Variants in COL14A1 observed in about 807,000 individuals in gnomAD.
COL14A1 encodes collagen type XIV alpha 1 chain.
COL14A1 carries 136 observed loss-of-function variants against 230.3 expected under a neutral mutation model. The observed-to-expected ratio is 0.59, with a 90% CI of 0.51 to 0.68. COL14A1 has a LOEUF of 0.68. Ranked by LOEUF, COL14A1 falls within the 30% of genes least tolerant of loss-of-function variation. The pLI is 0.00. For synonymous variants in COL14A1, 792 were observed against 784.1 expected (o/e 1.01, Z -0.17); for missense variants, 1,976 against 2,215.8 (o/e 0.89, Z 2.17).
intron 42 of COL14A1, among the ~76,000 whole-genome samples, chr8:120,337,050 A>ATGAGCTGGG (rs1822102287): frequency 6.6e-6 from 1 of 152,198 alleles, no homozygotes; most frequent in Admixed American, 6.5e-5. Context: ...CCTAGACCCC[A>ATGAGCTGGG]GCTCAGTGTC....
intron 40 of COL14A1, among the ~76,000 whole-genome samples, chr8:120,317,763 T>C (rs927869675): frequency 1.3e-5 from 2 of 152,240 alleles, no homozygotes; most frequent in African/African-American, 4.8e-5. Flanking sequence ...ACAGACTTTT[T>C]ATAAATATTT....
In COL14A1 at chr8:120,367,336, C is replaced by G. The variant is rs1044269788; in HGVS notation, c.5155+88C>G. On this transcript the variant is annotated intron_variant, in intron 46 of 47. Transcript: ENST00000297848. ...AGTGAGGAAAATGGTCATCTTACATCCTAGTATGTAACTTAAATGGCTGTA... is the reference window on the plus strand; with the variant it reads ...AGTGAGGAAAATGGTCATCTTACATGCTAGTATGTAACTTAAATGGCTGTA... 1.5e-5 allele frequency: 15 copies of G among 1,027,990 alleles called. No homozygotes were observed. The Admixed American group carries it at 3.3e-4, about 22-fold the overall frequency. The allele number at this position is 1,027,990 out of a possible 1,614,324, so 63.7% of individuals were successfully genotyped here.
chr8:120,287,818 T>A (rs901025217), intron 33 of COL14A1, among the ~76,000 whole-genome samples: 2 of 152,160 alleles, frequency 1.3e-5, no homozygotes, highest in African/African-American at 4.8e-5. Context: ...AGAAGTCGAA[T>A]TCTATTTGTT....
chr8:120,156,961 G>A (rs1586723846), intron 2 of COL14A1, among the ~76,000 whole-genome samples: 1 of 152,156 alleles, frequency 6.6e-6, no homozygotes, highest in East Asian at 1.9e-4. Context: ...AGAGAGACTG[G>A]GCTTAAAAGT....
intron 5 of COL14A1, among the ~76,000 whole-genome samples, chr8:120,193,438 A>C (rs893300481): frequency 2.6e-5 from 4 of 152,094 alleles, no homozygotes; most frequent in African/African-American, 9.7e-5. Context: ...AGGCCATGTG[A>C]GGTGTCAGTC....
At chr8:120,297,426 C>A in intron 34 of COL14A1, 85 bp from the exon 35 acceptor site, 1 of 621,744 alleles carries the variant, frequency 1.6e-6, no homozygotes, top group South Asian at 4.9e-5. Context: ...TATTGGTATT[C>A]TGTTATATAA....
intron 35 of COL14A1, 134 bp downstream of exon 35, chr8:120,297,722 G>A (rs577934968): frequency 6.7e-6 from 3 of 448,960 alleles, no homozygotes; most frequent in East Asian, 7.5e-5. Context: ...TTAATAAAGA[G>A]GCATGTCTGA....
At chr8:120,318,086 G>A (rs1379560020) in intron 40 of COL14A1, among the ~76,000 whole-genome samples, 1 of 152,150 alleles carries the variant, frequency 6.6e-6, no homozygotes, top group Non-Finnish European at 1.5e-5. Context: ...ACAAGCAGAT[G>A]CCATTCACAC....
In COL14A1 at chr8:120,243,851, G is replaced by A. The variant is rs376711032; in HGVS notation, c.2350-28G>A. The A allele has an allele frequency of 4.3e-5, 69 of 1,609,452 alleles. No homozygotes were observed. In the African/African-American group the frequency reaches 7.6e-4, roughly 18 times the overall value. On this transcript the variant is annotated intron_variant, in intron 19 of 47. Transcript: ENST00000297848. ...AATCAGTGGAAACGGGTCTCACTAA[G>A]ACTGCAGTCCTTTGCTTTTTTGTTC...
At chr8:120,198,573 A>G (rs1228488502) in intron 7 of COL14A1, among the ~76,000 whole-genome samples, 1 of 152,166 alleles carries the variant, frequency 6.6e-6, no homozygotes, top group African/African-American at 2.4e-5. Context: ...TGATGCTAAA[A>G]AAATGCTCAT....
intron 14 of COL14A1, 118 bp downstream of exon 14, chr8:120,216,608 C>T (rs948142095): frequency 1.5e-5 from 16 of 1,068,732 alleles, no homozygotes; most frequent in East Asian, 2.7e-5. Flanking sequence ...TTTATTGTCT[C>T]GCATAGTTCC....
chr8:120,372,434 T>G lies in COL14A1; in HGVS notation c.*1203T>G, dbSNP rs1318436558. 6.6e-6 allele frequency among the ~76,000 whole-genome samples: 1 copy of G among 152,176 alleles called. No individual in the cohort carries two copies. The highest frequency in any genetic ancestry group is 1.5e-5 in the Non-Finnish European group (1 of 68,024). ...ATAGACTCTAACCCTTAAACCATAC[T>G]TTGTCTTTTGCTCACAAAGGAAAAA... On this transcript the variant is annotated 3_prime_UTR_variant, in exon 48 of 48. Transcript: ENST00000297848.
chr8:120,273,805 C>CA (rs113673542), intron 26 of COL14A1, among the ~76,000 whole-genome samples: 4,416 of 140,124 alleles, frequency 0.032, 87 homozygotes, highest in Middle Eastern at 0.1. Context: ...AACAGTTTTC[C>CA]AAAAAAAAAA....
chr8:120,283,880 T>C (rs1820115217), intron 32 of COL14A1, 102 bp downstream of exon 32: 4 of 853,434 alleles, frequency 4.7e-6, no homozygotes, highest in Admixed American at 2.9e-5. Flanking sequence ...AACTCACTAA[T>C]CTTATGTGAT....
chr8:120,187,156 T>G (rs1336726051), intron 5 of COL14A1, among the ~76,000 whole-genome samples: 3 of 152,238 alleles, frequency 2.0e-5, no homozygotes, highest in Non-Finnish European at 1.5e-5. Context: ...TATCTAAAAA[T>G]GCATTGTAAA....
At chr8:120,182,720 T>G (rs1169358839) in intron 5 of COL14A1, among the ~76,000 whole-genome samples, 1 of 139,272 alleles carries the variant, frequency 7.2e-6, no homozygotes, top group Non-Finnish European at 1.5e-5. Flanking sequence ...TTTTTTATTT[T>G]TCTTCGTTTT....
intron 19 of COL14A1, among the ~76,000 whole-genome samples, chr8:120,243,495 ACTT>A: frequency 6.6e-6 from 1 of 152,198 alleles, no homozygotes; most frequent in East Asian, 1.9e-4. Flanking sequence ...GCAAGAGGAT[ACTT>A]AAGTAAAATA....
At chr8:120,324,759 C>T (rs1005371694) in intron 40 of COL14A1, among the ~76,000 whole-genome samples, 6 of 152,024 alleles carry the variant, frequency 3.9e-5, no homozygotes, top group Non-Finnish European at 8.8e-5. Context: ...TTGTCAGCTT[C>T]GAAGAAGATA....
chr8:120,343,786 C>T (rs1216870364), intron 44 of COL14A1, among the ~76,000 whole-genome samples: 1 of 152,254 alleles, frequency 6.6e-6, no homozygotes, highest in South Asian at 2.1e-4. Context: ...TCATTTTGTA[C>T]TGACATATTG....
Sources: gnomAD v4.1 joint callset for allele counts (sites outside exome capture counted in the v4.1 genomes callset) on GRCh38, gnomAD v4.1.1 for gene constraint, MANE v1.5 for transcripts, NCBI Gene and HGNC (gene_info 2026-07-23, HGNC 2026-07-21) for gene names.